The following ADCY5 variants were observed in gnomAD, a reference collection of about 807,000 sequenced individuals.
ADCY5 encodes the protein adenylate cyclase 5, also known as adenylate cyclase type 5.
Under a neutral mutation model 119.7 loss-of-function variants are expected in ADCY5, and 30 were observed. That is an observed-to-expected ratio of 0.25 (90% CI 0.19 to 0.34). The LOEUF (loss-of-function observed/expected upper bound fraction) is 0.34. ADCY5 is among the 10% of genes least tolerant of loss of function. ADCY5 has a pLI of 1.00. For missense variants in ADCY5, 1,324 were observed against 1,775.2 expected (o/e 0.75, Z 4.57); for synonymous variants, 753 against 762.2 (o/e 0.99, Z 0.20).
chr3:123,429,970 G>C (rs1467336888), intron 1 of ADCY5, among the ~76,000 whole-genome samples: 2 of 152,092 alleles, frequency 1.3e-5, no homozygotes, highest in African/African-American at 4.8e-5. Flanking sequence ...GGCCTGGGAA[G>C]GGAGTGAATG....
intron 1 of ADCY5, among the ~76,000 whole-genome samples, chr3:123,444,527 C>G (rs1056462412): frequency 6.6e-6 from 1 of 152,132 alleles, no homozygotes; most frequent in African/African-American, 2.4e-5. Flanking sequence ...GAAGAAACAC[C>G]ATCCCACCAA....
chr3:123,392,174 C>T (rs544436798), intron 1 of ADCY5, among the ~76,000 whole-genome samples: 29 of 152,306 alleles, frequency 1.9e-4, no homozygotes, highest in Non-Finnish European at 3.7e-4. Context: ...CTCCGTTATA[C>T]TAATTTGTTT....
Position 123,324,163 on chromosome 3 carries a change from G to A in ADCY5, c.2088+1159C>T, listed in dbSNP as rs1187717817. ...CTTGGCTCAATTCACTTTCCCTCCT[G>A]TACATTTTCCTTAAGCTCGTATCAT... On this transcript the variant is annotated intron_variant, in intron 8 of 20. Transcript: ENST00000462833. Among the ~76,000 whole-genome samples, 4 of 152,088 alleles carry A rather than the reference G, an allele frequency of 2.6e-5. 1 individual carries two copies. Among genetic ancestry groups the A allele is most frequent in the Middle Eastern group, 6.3e-3 (2 of 316 alleles).
chr3:123,307,047 A>G (rs1940236224), intron 12 of ADCY5, among the ~76,000 whole-genome samples: 1 of 151,988 alleles, frequency 6.6e-6, no homozygotes, highest in Non-Finnish European at 1.5e-5. Flanking sequence ...AATCACAGAG[A>G]CAAAGTAGAT....
At chr3:123,379,215 C>G (rs1943945537) in intron 1 of ADCY5, among the ~76,000 whole-genome samples, 1 of 152,154 alleles carries the variant, frequency 6.6e-6, no homozygotes, top group Non-Finnish European at 1.5e-5. Flanking sequence ...ATACAGGTTC[C>G]TGCCACCCCC....
Position 123,286,570 on chromosome 3 carries a change from A to G in ADCY5, c.3657+115T>C. The G allele has an allele frequency of 1.4e-6, 2 of 1,411,200 alleles. No homozygotes were observed. Among genetic ancestry groups the G allele is most frequent in the Admixed American group, 4.8e-5 (2 of 41,662 alleles). The allele number at this position is 1,411,200 out of a possible 1,614,324, so 87.4% of individuals were successfully genotyped here. On this transcript the variant is annotated intron_variant, in intron 20 of 20. Coordinates refer to ENST00000462833, the MANE Select transcript of ADCY5 (RefSeq NM_183357.3). This position sits in a 1 kb window ranked among gnomAD's most constrained non-coding sequence, Gnocchi z 4.2. ...AGCGTCAACAGCCCCATCACCCTTG[A>G]ATCTGGCTGCAGACATTCTGACTGG...
Position 123,282,611 on chromosome 3 carries a change from GAAC to G in ADCY5, c.*1994_*1996del, listed in dbSNP as rs1175619253. The G allele has an allele frequency of 1.3e-5, 2 of 152,470 alleles. No homozygotes were observed. The highest frequency in any genetic ancestry group is 2.1e-4 in the South Asian group (1 of 4,832). 9.4% of individuals were successfully genotyped at this position (152,470 alleles called of 1,614,324 possible). On this transcript the variant is annotated 3_prime_UTR_variant, in exon 21 of 21. Transcript: ENST00000462833. ...CGATGTGGAGGGGCAGGGAACTTGA[GAAC>G]AACAGCTGGAAGAAAGCAGGCCTCC...
chr3:123,420,028 C>G (rs1386383003), intron 1 of ADCY5: 1 of 152,154 alleles, frequency 6.6e-6, no homozygotes, highest in Non-Finnish European at 1.5e-5. Context: ...CAGAGATGCT[C>G]AAGACATATC....
intron 1 of ADCY5, among the ~76,000 whole-genome samples, chr3:123,412,878 G>A (rs570389365): frequency 2.8e-4 from 42 of 151,480 alleles, no homozygotes; most frequent in African/African-American, 8.3e-4. Flanking sequence ...AAATAGCCCC[G>A]TCCAGGAACG....
At chr3:123,431,711 A>C (rs1945526520) in intron 1 of ADCY5, among the ~76,000 whole-genome samples, 1 of 152,234 alleles carries the variant, frequency 6.6e-6, no homozygotes, top group African/African-American at 2.4e-5. Context: ...ACTAAGCCAC[A>C]GCCTTGCCTG....
intron 11 of ADCY5, 95 bp from the exon 12 acceptor site, chr3:123,314,417 C>T (rs1940780684): frequency 3.2e-6 from 3 of 928,754 alleles, no homozygotes; most frequent in South Asian, 1.6e-5. Flanking sequence ...ACAGGTCCCC[C>T]GTGCCCATCC....
intron 1 of ADCY5, among the ~76,000 whole-genome samples, chr3:123,432,429 A>T (rs1945539433): frequency 6.6e-6 from 1 of 152,170 alleles, no homozygotes; most frequent in Admixed American, 6.5e-5. Context: ...GGGAGAGAAA[A>T]ATGGTGCAAC....
chr3:123,319,646 G>T (rs772004871), intron 10 of ADCY5, 28 bp downstream of exon 10: 5 of 1,610,566 alleles, frequency 3.1e-6, no homozygotes, highest in African/African-American at 1.3e-5. Flanking sequence ...TCAGCACAGG[G>T]GCCTCCTTCC....
At chr3:123,320,794 G>T in intron 8 of ADCY5, 23 bp from the exon 9 acceptor site, 1 of 1,557,618 alleles carries the variant, frequency 6.4e-7, no homozygotes, top group Non-Finnish European at 8.8e-7. Flanking sequence ...GATAGAAAGA[G>T]AAAGAGAAGA....
chr3:123,345,725 C>CAGAGACAG (rs1239302003), intron 3 of ADCY5, among the ~76,000 whole-genome samples: 1 of 144,026 alleles, frequency 6.9e-6, no homozygotes, highest in Non-Finnish European at 1.5e-5. Context: ...TCCTCAGTCA[C>CAGAGACAG]AGAGACAGAG....
intron 1 of ADCY5, chr3:123,419,062 T>C (rs1467461672): frequency 2.4e-6 from 2 of 832,608 alleles, no homozygotes; most frequent in African/African-American, 3.7e-5. Context: ...CGTAACGGCA[T>C]GAGCCAATCC....
At chr3:123,297,506 C>T in intron 15 of ADCY5, 124 bp from the exon 16 acceptor site, 2 of 1,079,604 alleles carry the variant, frequency 1.9e-6, no homozygotes, top group South Asian at 2.5e-5. Context: ...GCTCCCCAGC[C>T]CCATTCACCC....
intron 1 of ADCY5, among the ~76,000 whole-genome samples, chr3:123,425,413 A>G (rs1232429485): frequency 1.3e-5 from 2 of 152,122 alleles, no homozygotes; most frequent in African/African-American, 2.4e-5. Context: ...CAGGCCTCAC[A>G]GGCTCAGAGC....
chr3:123,391,881 G>A (rs1230135986), intron 1 of ADCY5, among the ~76,000 whole-genome samples: 3 of 152,146 alleles, frequency 2.0e-5, no homozygotes, highest in African/African-American at 7.2e-5. Flanking sequence ...TCTACAACCA[G>A]CTCTCCTCCA....
Sources: gnomAD v4.1 joint callset for allele counts (sites outside exome capture counted in the v4.1 genomes callset) on GRCh38, gnomAD v4.1.1 for gene constraint, Gnocchi (gnomAD v3.1) non-coding constraint, MANE v1.5 for transcripts, NCBI Gene and HGNC (gene_info 2026-07-23, HGNC 2026-07-21) for gene names.